The following GTF2A1L variants were observed in gnomAD, a reference collection of about 807,000 sequenced individuals.
The protein encoded by GTF2A1L is general transcription factor IIA subunit 1 like.
In GTF2A1L, 48 loss-of-function variants were observed where a neutral mutation model predicts 49.7. The observed-to-expected ratio is 0.97, with a 90% CI of 0.77 to 1.23. GTF2A1L has a LOEUF of 1.23. Among genes scored for constraint, GTF2A1L ranks in the 50% most tolerant of loss-of-function variants. The pLI is 0.00. For synonymous variants in GTF2A1L, 246 were observed against 193.5 expected (o/e 1.27, Z -2.25); for missense variants, 736 against 564.8 (o/e 1.30, Z -3.07).
At chr2:48,669,139 A>G (rs957461517) in intron 6 of GTF2A1L, among the ~76,000 whole-genome samples, 5 of 152,052 alleles carry the variant, frequency 3.3e-5, no homozygotes, top group African/African-American at 9.7e-5. Flanking sequence ...GTACTTTTTC[A>G]TCTTCTCAAA....
chr2:48,647,916 T>A (rs1677617097), intron 6 of GTF2A1L, among the ~76,000 whole-genome samples: 1 of 152,152 alleles, frequency 6.6e-6, no homozygotes, highest in African/African-American at 2.4e-5. Context: ...ATTTAGGACA[T>A]GTGAAAAATA....
At chr2:48,626,770 C>T (rs1676317844) in intron 3 of GTF2A1L, among the ~76,000 whole-genome samples, 1 of 144,112 alleles carries the variant, frequency 6.9e-6, no homozygotes. Flanking sequence ...GGCAGGGTTT[C>T]TCCATACTGC....
chr2:48,658,265 A>C (rs1260423479), intron 6 of GTF2A1L, among the ~76,000 whole-genome samples: 3 of 152,096 alleles, frequency 2.0e-5, no homozygotes, highest in Admixed American at 6.6e-5. Context: ...ATCCATCTTG[A>C]GTTAAGTTTT....
chr2:48,633,287 C>A (rs1344308371), intron 3 of GTF2A1L: 3 of 158,412 alleles, frequency 1.9e-5, no homozygotes, highest in African/African-American at 7.3e-5. Context: ...AGCCAGTCTG[C>A]AATCTCCCAG....
At chr2:48,622,397 C>T (rs1676051776) in intron 3 of GTF2A1L, among the ~76,000 whole-genome samples, 1 of 152,150 alleles carries the variant, frequency 6.6e-6, no homozygotes, top group Non-Finnish European at 1.5e-5. Context: ...TTTGGCTATG[C>T]TTTAATTTTA....
intron 8 of GTF2A1L, among the ~76,000 whole-genome samples, chr2:48,678,841 G>T (rs1679610285): frequency 6.6e-6 from 1 of 151,902 alleles, no homozygotes; most frequent in Non-Finnish European, 1.5e-5. Flanking sequence ...TGCTGTTCTT[G>T]AACAATCCAG....
intron 6 of GTF2A1L, 98 bp downstream of exon 6, chr2:48,647,140 A>C: frequency 8.9e-7 from 1 of 1,118,456 alleles, no homozygotes; most frequent in Non-Finnish European, 1.2e-6. Flanking sequence ...AATCAGAATT[A>C]TATATATTTT....
chr2:48,652,852 G>A (rs931127343), intron 6 of GTF2A1L, among the ~76,000 whole-genome samples: 2 of 150,064 alleles, frequency 1.3e-5, no homozygotes, highest in Admixed American at 6.6e-5. Flanking sequence ...ATGCCACCAC[G>A]CCCAGCTAGT....
At chr2:48,637,153 G>C (rs1015324598) in intron 3 of GTF2A1L, among the ~76,000 whole-genome samples, 1 of 152,106 alleles carries the variant, frequency 6.6e-6, no homozygotes, top group Non-Finnish European at 1.5e-5. Flanking sequence ...ATGCTAATGC[G>C]TATTCACAAA....
At chr2:48,652,769 A>G (rs1166241570) in intron 6 of GTF2A1L, among the ~76,000 whole-genome samples, 1 of 146,456 alleles carries the variant, frequency 6.8e-6, no homozygotes, top group Non-Finnish European at 1.5e-5. Context: ...ATCTCGGCGC[A>G]CTGCAACCCT....
chr2:48,639,421 C>G lies in GTF2A1L; in HGVS notation c.248-2981C>G, dbSNP rs118154674. Among the ~76,000 whole-genome samples, 47 of 152,242 alleles carry G rather than the reference C, an allele frequency of 3.1e-4. No individual in the cohort carries two copies. The East Asian group carries it at 8.9e-3, about 29-fold the overall frequency. ...ACACCTGTAGCCATCTGACCTTTGA[C>G]AAAGTCAACAAAAGTAAGCAATGGT... On this transcript the variant is annotated intron_variant, in intron 3 of 8. Transcript: ENST00000403751.
chr2:48,654,083 T>C (rs1035854422), intron 6 of GTF2A1L, among the ~76,000 whole-genome samples: 7 of 152,120 alleles, frequency 4.6e-5, no homozygotes, highest in African/African-American at 1.4e-4. Flanking sequence ...CCACCAGCAA[T>C]GTATGGTGGA....
chr2:48,649,358 A>G (rs2104214134), intron 6 of GTF2A1L, among the ~76,000 whole-genome samples: 1 of 152,190 alleles, frequency 6.6e-6, no homozygotes, highest in Non-Finnish European at 1.5e-5. Flanking sequence ...TCCTAGTGCC[A>G]TTGCCCTAAT....
At chr2:48,619,469 C>CAA (rs34874672) in intron 1 of GTF2A1L, among the ~76,000 whole-genome samples, 135 of 133,634 alleles carry the variant, frequency 1.0e-3, no homozygotes, top group African/African-American at 2.6e-3. Flanking sequence ...GACTCCATCT[C>CAA]AAAAAAAAAA....
chr2:48,671,818 T>G, intron 8 of GTF2A1L, 138 bp downstream of exon 8: 2 of 823,312 alleles, frequency 2.4e-6, no homozygotes, highest in Admixed American at 2.9e-5. Context: ...AAATTCTGAG[T>G]GTGTATTTTG....
intron 6 of GTF2A1L, among the ~76,000 whole-genome samples, chr2:48,662,911 G>C (rs908037823): frequency 2.0e-5 from 3 of 152,060 alleles, no homozygotes; most frequent in African/African-American, 7.2e-5. Flanking sequence ...GAATAATTGA[G>C]GGTGGAGTGT....
At chr2:48,645,331 C>T (rs1398232732) in intron 5 of GTF2A1L, among the ~76,000 whole-genome samples, 1 of 152,116 alleles carries the variant, frequency 6.6e-6, no homozygotes, top group Non-Finnish European at 1.5e-5. Context: ...ATTTGATTCC[C>T]AGTTCTCTTT....
intron 3 of GTF2A1L, among the ~76,000 whole-genome samples, chr2:48,641,927 T>C (rs1260342065): frequency 6.6e-6 from 1 of 152,202 alleles, no homozygotes; most frequent in African/African-American, 2.4e-5. Context: ...CTAAAACTGT[T>C]CAGGTGTGCT....
In GTF2A1L at chr2:48,679,575, A is replaced by G; in HGVS notation, c.*133A>G. On this transcript the variant is annotated 3_prime_UTR_variant, in exon 9 of 9. Transcript: ENST00000403751. ...TTTAGTTCACTGTATGGAATTTAATAAAATTATAATTCAGATGCAGATACA... is the reference window on the plus strand; with the variant it reads ...TTTAGTTCACTGTATGGAATTTAATGAAATTATAATTCAGATGCAGATACA... 6.9e-7 allele frequency: 1 copy of G among 1,439,842 alleles called. No individual in the cohort carries two copies. Among genetic ancestry groups the G allele is most frequent in the East Asian group, 2.7e-5 (1 of 36,860 alleles). 89.2% of individuals were successfully genotyped at this position (1,439,842 alleles called of 1,614,324 possible). A position where few individuals can be genotyped will look rare whatever the true frequency, so the allele number is the denominator to read the frequency against.
Sources: allele counts gnomAD v4.1 joint callset (sites outside exome capture counted in the v4.1 genomes callset), GRCh38; gene constraint gnomAD v4.1.1; transcripts MANE v1.5; gene names NCBI Gene and HGNC (gene_info 2026-07-23, HGNC 2026-07-21).